Variants in MEGF9 observed in about 807,000 individuals in gnomAD.
MEGF9 encodes multiple EGF like domains 9.
A neutral mutation model predicts 46.8 loss-of-function variants in MEGF9; 6 were observed. The ratio of observed to expected loss-of-function variants is 0.13; its 90% confidence interval spans 0.07 to 0.25. The LOEUF is 0.25. Among genes scored for constraint, MEGF9 ranks in the 10% least tolerant of loss-of-function variants. The pLI is 1.00. For synonymous variants in MEGF9, 302 were observed against 330.7 expected, an observed-to-expected ratio of 0.91 and a Z score of 0.94; for missense variants, 683 against 792.4, an observed-to-expected ratio of 0.86 and a Z score of 1.66.
chr9:120,606,923 T>G (rs970995649), intron 5 of MEGF9, among the ~76,000 whole-genome samples: 8 of 152,216 alleles, frequency 5.3e-5, no homozygotes, highest in African/African-American at 1.7e-4. Flanking sequence ...CAGCTAACTA[T>G]GGACAAAGTG....
chr9:120,695,843 G>A (rs563384714), intron 1 of MEGF9, among the ~76,000 whole-genome samples: 8 of 152,192 alleles, frequency 5.3e-5, no homozygotes, highest in African/African-American at 7.2e-5. Context: ...CCTTGATACC[G>A]CATCACGTAG....
chr9:120,637,790 C>CA (rs34861368), intron 2 of MEGF9, among the ~76,000 whole-genome samples: 7,930 of 34,726 alleles, frequency 0.23, 3,080 homozygotes, highest in Middle Eastern at 0.27. Context: ...GACTCTGTCT[C>CA]AAAAAAAAAA....
At chr9:120,611,365 A>C (rs1231103480) in intron 4 of MEGF9, among the ~76,000 whole-genome samples, 2 of 152,222 alleles carry the variant, frequency 1.3e-5, no homozygotes, top group Non-Finnish European at 2.9e-5. Context: ...CAATTGATGA[A>C]GAGAGCAATG....
chr9:120,667,233 T>C (rs2043729190), intron 1 of MEGF9, among the ~76,000 whole-genome samples: 1 of 152,214 alleles, frequency 6.6e-6, no homozygotes, highest in Admixed American at 6.5e-5. Context: ...TTTTTCAAAG[T>C]GACTGTTACA....
intron 1 of MEGF9, among the ~76,000 whole-genome samples, chr9:120,685,558 C>T (rs2043818184): frequency 6.6e-6 from 1 of 152,186 alleles, no homozygotes. Flanking sequence ...CTTTCTACTT[C>T]ACTTCTGATT....
At chr9:120,633,182 A>G (rs2043558155) in intron 2 of MEGF9, among the ~76,000 whole-genome samples, 1 of 152,036 alleles carries the variant, frequency 6.6e-6, no homozygotes, top group East Asian at 1.9e-4. Flanking sequence ...GTTCTTCTTC[A>G]TATGTTTGGT....
intron 3 of MEGF9, among the ~76,000 whole-genome samples, chr9:120,613,027 G>A (rs953922136): frequency 2.0e-5 from 3 of 151,188 alleles, no homozygotes; most frequent in South Asian, 4.2e-4. Context: ...TTATGAGACA[G>A]GATTTCACTG....
chr9:120,622,018 G>A (rs528281561), intron 3 of MEGF9, among the ~76,000 whole-genome samples: 5 of 152,226 alleles, frequency 3.3e-5, no homozygotes, highest in Middle Eastern at 3.4e-3. Context: ...ATCTTGAGGG[G>A]GAGATAATTG....
At chr9:120,711,350 T>C (rs1271289502) in intron 1 of MEGF9, among the ~76,000 whole-genome samples, 2 of 152,228 alleles carry the variant, frequency 1.3e-5, no homozygotes, top group Admixed American at 6.5e-5. Context: ...TAAAAGTCCA[T>C]GATACATAGT....
chr9:120,617,936 C>T (rs75699964), intron 3 of MEGF9, among the ~76,000 whole-genome samples: 269 of 152,180 alleles, frequency 1.8e-3, no homozygotes, highest in African/African-American at 6.1e-3. Flanking sequence ...GACTGAGTAA[C>T]TTGGTGAAAT....
At chr9:120,635,399 A>G (rs1450414985) in intron 2 of MEGF9, among the ~76,000 whole-genome samples, 2 of 152,198 alleles carry the variant, frequency 1.3e-5, no homozygotes, top group African/African-American at 4.8e-5. Flanking sequence ...ATTTCATTAA[A>G]TAGGTTTTCT....
At chr9:120,687,054 T>C (rs1247974443) in intron 1 of MEGF9, among the ~76,000 whole-genome samples, 3 of 152,154 alleles carry the variant, frequency 2.0e-5, no homozygotes, top group Non-Finnish European at 4.4e-5. Context: ...TATGTTTTAA[T>C]GCTTTCCCTC....
Position 120,622,707 on chromosome 9 carries a change from G to T in MEGF9, c.852C>A (p.Asp284Glu). The T allele has an allele frequency of 6.2e-7, 1 of 1,613,684 alleles. No homozygotes were observed. Among genetic ancestry groups the T allele is most frequent in the Non-Finnish European group, 8.5e-7 (1 of 1,179,800 alleles). Residue 284 changes from aspartate (D) to glutamate (E), a missense_variant, in exon 3 of 6, where the codon GAC becomes GAA. Asp to Glu is a conservative substitution (Grantham distance 45, BLOSUM62 2). Coordinates refer to ENST00000373930, the MANE Select transcript of MEGF9 (RefSeq NM_001080497.3). Reference protein sequence around the residue: ...CKVGVIGSICDRCQDGYYGFS... With the variant: ...CKVGVIGSICERCQDGYYGFS... ...AGCCATAATATCCATCTTGGCATCG[G>T]TCACATATAGAGCCAATGACACCCA... is the stretch of plus-strand genomic sequence containing the variant.
At chr9:120,686,125 T>C (rs2043821113) in intron 1 of MEGF9, among the ~76,000 whole-genome samples, 1 of 150,544 alleles carries the variant, frequency 6.6e-6, no homozygotes, top group Admixed American at 6.6e-5. Flanking sequence ...AGTCTTGCTC[T>C]GTCGCCTAGG....
At chr9:120,622,585 ATT>A in intron 3 of MEGF9, 29 bp downstream of exon 3, 1 of 1,611,346 alleles carries the variant, frequency 6.2e-7, no homozygotes, top group Middle Eastern at 1.7e-4. Context: ...CAGTGGAATA[ATT>A]ACATGACAAA....
intron 1 of MEGF9, among the ~76,000 whole-genome samples, chr9:120,695,199 A>G (rs1407721644): frequency 6.6e-6 from 1 of 152,216 alleles, no homozygotes; most frequent in Non-Finnish European, 1.5e-5. Context: ...TCCTATGTAC[A>G]TGTTAGGGAG....
chr9:120,696,252 C>A (rs575505935), intron 1 of MEGF9, among the ~76,000 whole-genome samples: 1 of 152,248 alleles, frequency 6.6e-6, no homozygotes, highest in South Asian at 2.1e-4. Flanking sequence ...AGAATTAAGA[C>A]CCCTATTGAA....
chr9:120,656,106 A>C (rs1325249220), intron 2 of MEGF9, among the ~76,000 whole-genome samples: 1 of 152,166 alleles, frequency 6.6e-6, no homozygotes, highest in Non-Finnish European at 1.5e-5. Flanking sequence ...CATTTGGTGG[A>C]CTCTGCTTAC....
intron 2 of MEGF9, among the ~76,000 whole-genome samples, chr9:120,634,639 T>C (rs563594551): frequency 1.3e-5 from 2 of 152,158 alleles, no homozygotes; most frequent in East Asian, 3.9e-4. Flanking sequence ...GACAATTTCT[T>C]GTAGGCAGCA....
Sources: gnomAD v4.1 joint callset for allele counts (sites outside exome capture counted in the v4.1 genomes callset) on GRCh38, gnomAD v4.1.1 for gene constraint, MANE v1.5 for transcripts, NCBI Gene and HGNC (gene_info 2026-07-23, HGNC 2026-07-21) for gene names.